The following SWT1 variants were observed in gnomAD, a reference collection of about 807,000 sequenced individuals.
SWT1 encodes SWT1 RNA endoribonuclease homolog, also known as transcriptional protein SWT1.
SWT1 carries 33 observed loss-of-function variants against 107.3 expected under a neutral mutation model. The observed-to-expected ratio is 0.31, with a 90% CI of 0.23 to 0.41. The LOEUF (loss-of-function observed/expected upper bound fraction) is 0.41. SWT1 is among the 10% of genes least tolerant of loss of function. The probability of loss-of-function intolerance (pLI) is 1.00; values close to 1 mark genes in which losing one functional copy is unlikely to be tolerated. For missense variants in SWT1, 898 were observed against 1,028.9 expected (o/e 0.87, Z 1.74); for synonymous variants, 345 against 348.3 (o/e 0.99, Z 0.11).
At chr1:185,251,097 G>A (rs1661982573) in intron 16 of SWT1, among the ~76,000 whole-genome samples, 1 of 152,104 alleles carries the variant, frequency 6.6e-6, no homozygotes, top group African/African-American at 2.4e-5. Context: ...TCTTCCTAAT[G>A]GTGGTGTGCA....
At chr1:185,202,565 T>G in intron 10 of SWT1, 89 bp from the exon 11 acceptor site, 1 of 1,132,752 alleles carries the variant, frequency 8.8e-7, no homozygotes, top group Non-Finnish European at 1.3e-6. Context: ...ATCACCTGCC[T>G]CTGACTAGAT....
chr1:185,263,024 T>C lies in SWT1; in HGVS notation c.2442-8299T>C, dbSNP rs76454971. On this transcript the variant is annotated intron_variant, in intron 16 of 18. Transcript: ENST00000367500. Reference sequence around the variant, plus strand: ...CTGGTCTGGAACTCCTGGGCTCAAGTGATTCACCCGCCTCAGCCTTCTGAA... The same window carrying C: ...CTGGTCTGGAACTCCTGGGCTCAAGCGATTCACCCGCCTCAGCCTTCTGAA... 5.5e-3 allele frequency among the ~76,000 whole-genome samples: 837 copies of C among 152,206 alleles called. 34 individuals carry two copies. In the East Asian group the frequency reaches 0.093, roughly 17 times the overall value.
At chr1:185,220,162 AAAGAG>A (rs1659535679) in intron 14 of SWT1, among the ~76,000 whole-genome samples, 1 of 149,100 alleles carries the variant, frequency 6.7e-6, no homozygotes, top group Admixed American at 6.7e-5. Context: ...AAAAAAAAAA[AAAGAG>A]CAATTTCTAA....
chr1:185,169,381 C>T (rs1466008262), intron 4 of SWT1, among the ~76,000 whole-genome samples: 1 of 150,144 alleles, frequency 6.7e-6, no homozygotes, highest in African/African-American at 2.5e-5. Flanking sequence ...GATATTATAT[C>T]AATATATACA....
intron 5 of SWT1, chr1:185,176,568 ACTTAT>A (rs1168120801): frequency 1.0e-6 from 1 of 980,248 alleles, no homozygotes; most frequent in Non-Finnish European, 1.2e-6. Context: ...AAATAAAGTT[ACTTAT>A]CTTCAAGAGA....
intron 16 of SWT1, among the ~76,000 whole-genome samples, chr1:185,251,058 G>A (rs2102645218): frequency 6.6e-6 from 1 of 152,224 alleles, no homozygotes; most frequent in South Asian, 2.1e-4. Context: ...ATTCTTTTAT[G>A]GCTTTAGAAG....
At chr1:185,223,722 G>C (rs143794654) in intron 15 of SWT1, among the ~76,000 whole-genome samples, 1 of 152,222 alleles carries the variant, frequency 6.6e-6, no homozygotes, top group East Asian at 1.9e-4. Context: ...ATGGGAGTTT[G>C]TTGTACAGAT....
Position 185,162,288 on chromosome 1 carries a change from A to C in SWT1, c.84+1363A>C, listed in dbSNP as rs142822859. Among the ~76,000 whole-genome samples, 564 of 152,298 alleles carry C rather than the reference A, an allele frequency of 3.7e-3. 2 individuals are homozygous for C. Among genetic ancestry groups the C allele is most frequent in the Admixed American group, 5.4e-3 (83 of 15,310 alleles). ...CAGTGGTTTCTGTGTTGCTAAATCC[A>C]TTGGTCATTTCTAAGACCTCATCTG... On this transcript the variant is annotated intron_variant, in intron 2 of 18. Transcript: ENST00000367500.
chr1:185,181,423 A>G (rs1006990616), intron 6 of SWT1, among the ~76,000 whole-genome samples: 1 of 152,260 alleles, frequency 6.6e-6, no homozygotes, highest in African/African-American at 2.4e-5. Flanking sequence ...GTCACAATAC[A>G]TCAGAGAAGT....
chr1:185,255,506 G>A (rs1662422848), intron 16 of SWT1, among the ~76,000 whole-genome samples: 1 of 128,752 alleles, frequency 7.8e-6, no homozygotes, highest in South Asian at 2.7e-4. Context: ...AGCTCTTCTT[G>A]TTGAATTGAT....
At position 185,226,400 on chromosome 1, in the gene SWT1, G is replaced by C. The variant is rs551544845; in HGVS notation, c.2309+4364G>C. On this transcript the variant is annotated intron_variant, in intron 15 of 18. Coordinates refer to ENST00000367500, the MANE Select transcript of SWT1 (RefSeq NM_017673.7). The stretch of plus-strand genomic sequence containing the variant: ...GCCTTTCATGTAAAGATGCTTATTT[G>C]GAAGTCTGGTAGGACCTATGCACAA... 2.6e-5 allele frequency among the ~76,000 whole-genome samples: 4 copies of C among 152,188 alleles called. No homozygotes were observed. The South Asian group carries it at 8.3e-4, about 32-fold the overall frequency.
intron 16 of SWT1, among the ~76,000 whole-genome samples, chr1:185,251,963 G>A (rs1662068164): frequency 6.8e-6 from 1 of 147,412 alleles, no homozygotes; most frequent in South Asian, 2.2e-4. Context: ...CCCCACAACA[G>A]TCCCCAGAGT....
At position 185,264,175 on chromosome 1, in the gene SWT1, T is replaced by C. The variant is rs1663222998; in HGVS notation, c.2442-7148T>C. ...CTACTAATAACAATCATGGTTTTGTTCACATTTGGCGCCTCTTTTTTTTTT... is the reference window on the plus strand; with the variant it reads ...CTACTAATAACAATCATGGTTTTGTCCACATTTGGCGCCTCTTTTTTTTTT... On this transcript the variant is annotated intron_variant, in intron 16 of 18. Coordinates refer to ENST00000367500, the MANE Select transcript of SWT1 (RefSeq NM_017673.7). 1.5e-5 allele frequency: 3 copies of C among 193,662 alleles called. 1 individual carries two copies. The Admixed American group carries it at 2.0e-4, about 13-fold the overall frequency. 12.0% of individuals were successfully genotyped at this position (193,662 alleles called of 1,614,324 possible).
At chr1:185,271,417 C>G (rs750149529) in intron 17 of SWT1, 28 bp downstream of exon 17, 5 of 1,145,980 alleles carry the variant, frequency 4.4e-6, no homozygotes, top group South Asian at 2.7e-5. Context: ...AAATATTTAT[C>G]ACATTTCTAC....
At chr1:185,239,761 A>G (rs1661135646) in intron 16 of SWT1, among the ~76,000 whole-genome samples, 1 of 152,108 alleles carries the variant, frequency 6.6e-6, no homozygotes, top group South Asian at 2.1e-4. Context: ...AGTACTACAT[A>G]GTCTTAATTT....
intron 11 of SWT1, among the ~76,000 whole-genome samples, chr1:185,204,111 G>C (rs567979960): frequency 6.6e-6 from 1 of 152,200 alleles, no homozygotes; most frequent in South Asian, 2.1e-4. Context: ...AGATAGTTAA[G>C]CTGGAAATTT....
In SWT1 at chr1:185,166,671, C is replaced by G. The variant is rs753051476; in HGVS notation, c.165+19C>G. 2.7e-6 allele frequency: 4 copies of G among 1,456,168 alleles called. No homozygotes were observed. The highest frequency in any genetic ancestry group is 2.3e-5 in the East Asian group (1 of 43,832). The allele number at this position is 1,456,168 out of a possible 1,614,324, so 90.2% of individuals were successfully genotyped here. On this transcript the variant is annotated intron_variant, in intron 3 of 18. Transcript: ENST00000367500. ...AAAACTGGTGAGTGTCTAGATATAACTAACTAAAAGTTATTTATGCTAAAG... is the reference window on the plus strand; with the variant it reads ...AAAACTGGTGAGTGTCTAGATATAAGTAACTAAAAGTTATTTATGCTAAAG...
At chr1:185,159,523 A>G (rs1440708097) in intron 1 of SWT1, among the ~76,000 whole-genome samples, 3 of 152,130 alleles carry the variant, frequency 2.0e-5, no homozygotes, top group Non-Finnish European at 4.4e-5. Flanking sequence ...TGAAAGAGTT[A>G]ATATTCCAAG....
chr1:185,234,023 C>T (rs796994422), intron 16 of SWT1, among the ~76,000 whole-genome samples: 2 of 152,150 alleles, frequency 1.3e-5, no homozygotes, highest in African/African-American at 2.4e-5. Context: ...GGATTACAGG[C>T]GTGAGCCTCT....
Sources: gnomAD v4.1 joint callset for allele counts (sites outside exome capture counted in the v4.1 genomes callset) on GRCh38, gnomAD v4.1.1 for gene constraint, MANE v1.5 for transcripts, NCBI Gene and HGNC (gene_info 2026-07-23, HGNC 2026-07-21) for gene names.